YARS1: variants seen among roughly 807,000 people sequenced by gnomAD.
The protein encoded by YARS1 is tyrosine--tRNA ligase, cytoplasmic.
A neutral mutation model predicts 62.2 loss-of-function variants in YARS1; 36 were observed. That is an observed-to-expected ratio of 0.58 (90% confidence interval 0.44 to 0.76). The LOEUF is 0.76. YARS1 is among the 30% of genes least tolerant of loss of function. The pLI is 0.00. For synonymous variants in YARS1, 234 were observed against 244.9 expected (o/e 0.96, Z 0.42); for missense variants, 524 against 639.8 (o/e 0.82, Z 1.95).
chr1:32,806,546 C>G lies in YARS1; in HGVS notation c.446G>C (p.Gly149Ala). 6.2e-7 allele frequency: 1 copy of G among 1,614,174 alleles called. No individual in the cohort carries two copies. The highest frequency in any genetic ancestry group is 8.5e-7 in the Non-Finnish European group (1 of 1,180,034). Reference sequence around the variant, plus strand: ...CTCCACCTGCTTTACCACCTCAGCTCCAGCCTTCTTGGAATCGTGCTGTGT... The same window carrying G: ...CTCCACCTGCTTTACCACCTCAGCTGCAGCCTTCTTGGAATCGTGCTGTGT... Reference protein sequence around the residue: ...VVTQHDSKKAGAEVVKQVEHP... With the variant: ...VVTQHDSKKAAAEVVKQVEHP... Residue 149 changes from glycine to alanine, a missense_variant, in exon 4 of 13, where the codon GGA becomes GCA. Transcript: ENST00000373477.
intron 4 of YARS1, 164 bp from the exon 5 acceptor site, chr1:32,798,007 A>G: frequency 1.6e-6 from 1 of 633,750 alleles, no homozygotes; most frequent in Non-Finnish European, 2.8e-6. Context: ...AGTAGTTGGG[A>G]TTACAGACAT....
intron 5 of YARS1, among the ~76,000 whole-genome samples, chr1:32,794,258 G>T (rs770543835): frequency 6.6e-6 from 1 of 152,066 alleles, no homozygotes; most frequent in Admixed American, 6.6e-5. Context: ...GCTGGGGCAC[G>T]AGAATCCCTT....
At position 32,811,172 on chromosome 1, in the gene YARS1, C is replaced by G. The variant is rs1308781439; in HGVS notation, c.58-115G>C. The stretch of plus-strand genomic sequence containing the variant: ...AGTGGAGATCCAGGCTCAGAGCCAT[C>G]AAGGAGGTCCAGCCATGTTCTCAGT... On this transcript the variant is annotated intron_variant, in intron 1 of 12. Transcript: ENST00000373477. 9 of 1,487,676 alleles carry G rather than the reference C, an allele frequency of 6.0e-6. 1 individual carries two copies. Among genetic ancestry groups the G allele is most frequent in the Middle Eastern group, 4.7e-4 (2 of 4,226 alleles). The allele number at this position is 1,487,676 out of a possible 1,614,324, so 92.2% of individuals were successfully genotyped here.
Position 32,775,874 on chromosome 1 carries a change from C to T in YARS1, c.*107G>A, listed in dbSNP as rs760241532. 22 of 1,071,388 alleles carry T rather than the reference C, an allele frequency of 2.1e-5. No homozygotes were observed. Among genetic ancestry groups the T allele is most frequent in the African/African-American group, 7.8e-5 (5 of 63,778 alleles). The allele number at this position is 1,071,388 out of a possible 1,614,324, so 66.4% of individuals were successfully genotyped here. ...CTGCACCGAATAAAGAGTCCAAACC[C>T]GCTGCTTCCGTGTCCTGAGAGATGG... On this transcript the variant is annotated 3_prime_UTR_variant, in exon 13 of 13. Transcript: ENST00000373477.
At chr1:32,815,089 CTG>C (rs1239254514) in intron 1 of YARS1, among the ~76,000 whole-genome samples, 1 of 152,220 alleles carries the variant, frequency 6.6e-6, no homozygotes, top group African/African-American at 2.4e-5. Context: ...GTGGCTCACT[CTG>C]TAATCCCAGC....
chr1:32,778,629 G>C (rs192207399), intron 12 of YARS1, among the ~76,000 whole-genome samples: 3 of 150,396 alleles, frequency 2.0e-5, no homozygotes, highest in Admixed American at 6.6e-5. Flanking sequence ...GAATGCTCTC[G>C]ATCTCCTGAC....
chr1:32,781,557 A>AT, intron 9 of YARS1: 1 of 167,772 alleles, frequency 6.0e-6, no homozygotes, highest in Non-Finnish European at 1.3e-5. Flanking sequence ...TGTCTCTTTT[A>AT]GAAAAAAAAA....
At chr1:32,782,263 C>G in intron 9 of YARS1, 141 bp downstream of exon 9, 2 of 1,415,120 alleles carry the variant, frequency 1.4e-6, no homozygotes, top group Non-Finnish European at 2.0e-6. Context: ...AAGTTCCATT[C>G]TAGGAGCCAG....
Position 32,779,414 on chromosome 1 carries a change from T to C in YARS1, c.1444A>G (p.Lys482Glu). 1 of 1,614,218 alleles carries C rather than the reference T, an allele frequency of 6.2e-7. No homozygotes were observed. The highest frequency in any genetic ancestry group is 8.5e-7 in the Non-Finnish European group (1 of 1,180,030). The change falls in exon 12 of 13, where the codon AAG becomes GAG. Residue 482 changes from lysine (K) to glutamate (E), a missense_variant. Transcript: ENST00000373477. ...TTCTCGAAGACTTTCTTCTTGGGCT[T>C]GAGCTCCTCATCTGGTTGGCCCTTT... The part of the protein sequence containing the change: ...YEKGQPDEEL[K>E]PKKKVFEKLQ...
chr1:32,783,294 T>C (rs977225660), intron 8 of YARS1: 1 of 152,274 alleles, frequency 6.6e-6, no homozygotes, highest in Admixed American at 6.5e-5. Context: ...AGTAATTCCA[T>C]TTTATTCCTT....
At chr1:32,786,518 AGCCCACATGCATGACTATTTG>A in intron 7 of YARS1, 71 bp from the exon 8 acceptor site, 1 of 933,792 alleles carries the variant, frequency 1.1e-6, no homozygotes. Flanking sequence ...GACTATTCCT[AGCCCACATGCATGACTATTTG>A]TAGTTTTTGC....
At chr1:32,798,961 G>C (rs571383190) in intron 4 of YARS1, among the ~76,000 whole-genome samples, 20 of 152,286 alleles carry the variant, frequency 1.3e-4, no homozygotes, top group African/African-American at 4.6e-4. Context: ...TATCCAGCTG[G>C]GGAGAGACAT....
intron 1 of YARS1, chr1:32,816,673 T>C (rs1032459135): frequency 2.5e-5 from 4 of 160,266 alleles, no homozygotes; most frequent in Admixed American, 1.8e-4. Context: ...CTGTAGTTCT[T>C]GGTAACAAAC....
chr1:32,786,697 C>A (rs1653239723), intron 7 of YARS1: 8 of 698,972 alleles, frequency 1.1e-5, no homozygotes, highest in South Asian at 1.1e-4. Context: ...CATGTCTGCC[C>A]CCACCCTTAC....
intron 6 of YARS1, among the ~76,000 whole-genome samples, chr1:32,788,490 G>A (rs1569726382): frequency 6.6e-6 from 1 of 151,996 alleles, no homozygotes. Flanking sequence ...GAGTACAATG[G>A]CATGATCTCG....
chr1:32,817,335 G>T lies in YARS1; in HGVS notation c.-91C>A, dbSNP rs889969474. ...CGCCGCGTGCCGGGAACTGTCACGCGAGTCCAGCCAGGTTGCATCAGCTGG... is the reference window on the plus strand; with the variant it reads ...CGCCGCGTGCCGGGAACTGTCACGCTAGTCCAGCCAGGTTGCATCAGCTGG... On this transcript the variant is annotated 5_prime_UTR_variant, in exon 1 of 13. Coordinates refer to ENST00000373477, the MANE Select transcript of YARS1 (RefSeq NM_003680.4). The T allele has an allele frequency of 1.3e-5, 20 of 1,540,180 alleles. No homozygotes were observed. The African/African-American group carries it at 2.6e-4, about 20-fold the overall frequency.
At chr1:32,805,197 C>A (rs181072729) in intron 4 of YARS1, among the ~76,000 whole-genome samples, 32 of 130,868 alleles carry the variant, frequency 2.4e-4, no homozygotes, top group African/African-American at 8.6e-4. Flanking sequence ...AGCCTCGGCT[C>A]GGCATCAGAG....
intron 8 of YARS1, chr1:32,782,990 AC>A (rs1653108895): frequency 5.3e-6 from 1 of 188,706 alleles, no homozygotes. Context: ...CAAACTAGGC[AC>A]ATAACCCCTC....
chr1:32,810,592 T>C lies in YARS1; in HGVS notation c.379A>G (p.Lys127Glu). ...FIKGTDYQLS[K>E]EYTLDVYRLS... Reference sequence around the variant, plus strand: ...GAGGGTGGATGATCAAGCACTTACTTGCTGAGCTGGTAATCAGTGCCTTTG... The same window carrying C: ...GAGGGTGGATGATCAAGCACTTACTCGCTGAGCTGGTAATCAGTGCCTTTG... Residue 127 changes from lysine (K) to glutamate (E), a missense_variant and splice_region_variant, in exon 3 of 13, where the codon AAA (lysine) becomes GAA (glutamate). Lys to Glu is a moderately conservative substitution (Grantham distance 56). Transcript: ENST00000373477. 1 of 1,612,732 alleles carries C rather than the reference T, an allele frequency of 6.2e-7. No homozygotes were observed. Among genetic ancestry groups the C allele is most frequent in the South Asian group, 1.1e-5 (1 of 91,018 alleles).
Sources: gnomAD v4.1 joint callset for allele counts (sites outside exome capture counted in the v4.1 genomes callset) on GRCh38, gnomAD v4.1.1 for gene constraint, MANE v1.5 for transcripts, NCBI Gene and HGNC (gene_info 2026-07-23, HGNC 2026-07-21) for gene names.